Variants in TANC2 observed in about 807,000 individuals in gnomAD.
TANC2 encodes tetratricopeptide repeat, ankyrin repeat and coiled-coil containing 2, also known as protein TANC2.
In TANC2, 26 loss-of-function variants were observed where a neutral mutation model predicts 210.5. The observed-to-expected ratio is 0.12, with a 90% CI of 0.09 to 0.17. The LOEUF is 0.17. TANC2 is among the 10% of genes least tolerant of loss of function. The probability of loss-of-function intolerance (pLI) is 1.00; values close to 1 mark genes in which losing one functional copy is unlikely to be tolerated. For missense variants in TANC2, 2,129 were observed against 2,608.9 expected (o/e 0.82, Z 4.01); for synonymous variants, 931 against 967.1 (o/e 0.96, Z 0.69).
chr17:63,232,311 C>G (rs905462178), intron 7 of TANC2, among the ~76,000 whole-genome samples: 4 of 152,178 alleles, frequency 2.6e-5, no homozygotes, highest in Non-Finnish European at 4.4e-5. Flanking sequence ...AGAGGTGTTG[C>G]AATCATTTGA....
chr17:63,257,351 A>G (rs1321634099), intron 8 of TANC2, among the ~76,000 whole-genome samples: 2 of 151,888 alleles, frequency 1.3e-5, no homozygotes, highest in African/African-American at 2.4e-5. Context: ...CTTGCATATA[A>G]CATCTGGTTT....
chr17:62,986,903 T>C (rs2032595288), intron 1 of TANC2, among the ~76,000 whole-genome samples: 1 of 152,080 alleles, frequency 6.6e-6, no homozygotes, highest in Admixed American at 6.5e-5. Flanking sequence ...CCTGGGATCA[T>C]GTCTACCAGG....
intron 15 of TANC2, among the ~76,000 whole-genome samples, chr17:63,383,260 C>T (rs940782987): frequency 6.6e-6 from 1 of 152,112 alleles, no homozygotes; most frequent in Non-Finnish European, 1.5e-5. Context: ...TGTTGTACAG[C>T]TCTGTCGATT....
At chr17:63,295,326 TTCTC>T (rs1598795846) in intron 9 of TANC2, among the ~76,000 whole-genome samples, 1 of 152,256 alleles carries the variant, frequency 6.6e-6, no homozygotes, top group East Asian at 1.9e-4. Context: ...TGTCAAAGCT[TTCTC>T]AGTAGAATAA....
chr17:63,351,510 T>C, intron 13 of TANC2, 94 bp downstream of exon 13: 1 of 1,013,954 alleles, frequency 9.9e-7, no homozygotes, highest in Non-Finnish European at 1.4e-6. Flanking sequence ...AAACTTCTAC[T>C]ATGTCCTAGA....
intron 7 of TANC2, among the ~76,000 whole-genome samples, chr17:63,232,385 G>A (rs1210908420): frequency 6.6e-6 from 1 of 152,186 alleles, no homozygotes; most frequent in Non-Finnish European, 1.5e-5. Flanking sequence ...TCTCATCTTC[G>A]TGAGTTCGTC....
chr17:63,409,517 A>G (rs2048622864), intron 21 of TANC2, among the ~76,000 whole-genome samples: 4 of 152,230 alleles, frequency 2.6e-5, no homozygotes, highest in Admixed American at 2.6e-4. Context: ...ACAAGTAAAA[A>G]TGGTATATGC....
At chr17:63,068,095 A>G (rs2036266876) in intron 2 of TANC2, among the ~76,000 whole-genome samples, 1 of 152,170 alleles carries the variant, frequency 6.6e-6, no homozygotes, top group Admixed American at 6.5e-5. Context: ...CCTAGAGGGG[A>G]ACAACAATTT....
chr17:62,966,884 TCCA>T lies in TANC2; in HGVS notation c.-24+136_-24+138del, dbSNP rs2031372322. The T allele has an allele frequency of 2.6e-5, 4 of 152,074 alleles. No homozygotes were observed. The highest frequency in any genetic ancestry group is 5.9e-5 in the Non-Finnish European group (4 of 68,070). The allele number at this position is 152,074 out of a possible 1,614,324, so 9.4% of individuals were successfully genotyped here. Reference sequence around the variant, plus strand: ...AAATGGGCAGCGAAGTGCCTCGGTGTCCAAGGCGTGGGGAAGGCTGGCTCCGAA... The same window carrying T: ...AAATGGGCAGCGAAGTGCCTCGGTGTAGGCGTGGGGAAGGCTGGCTCCGAA... On this transcript the variant is annotated intron_variant, in intron 1 of 27. Coordinates refer to ENST00000689528, the Ensembl canonical transcript of TANC2. This position sits in a 1 kb window ranked among gnomAD's most constrained non-coding sequence, Gnocchi z 5.1.
At chr17:63,098,995 C>T (rs1177453538) in intron 3 of TANC2, among the ~76,000 whole-genome samples, 180 bp from the exon 4 acceptor site, 1 of 152,120 alleles carries the variant, frequency 6.6e-6, no homozygotes, top group African/African-American at 2.4e-5. Context: ...TCTTCAGTTT[C>T]GTAGTGCTAG....
chr17:63,337,533 T>A (rs1040374842), intron 11 of TANC2, among the ~76,000 whole-genome samples: 4 of 152,014 alleles, frequency 2.6e-5, no homozygotes, highest in Non-Finnish European at 2.9e-5. Flanking sequence ...TTCTTTTTCT[T>A]TATAGTGCTA....
chr17:63,053,976 T>C (rs1406259897), intron 2 of TANC2, among the ~76,000 whole-genome samples: 3 of 152,234 alleles, frequency 2.0e-5, no homozygotes, highest in Non-Finnish European at 4.4e-5. Context: ...TTGGTCTCTC[T>C]GCTTTGTCTA....
At chr17:62,981,256 A>G (rs2032284358) in intron 1 of TANC2, among the ~76,000 whole-genome samples, 1 of 152,168 alleles carries the variant, frequency 6.6e-6, no homozygotes, top group African/African-American at 2.4e-5. Flanking sequence ...TCATTAAGAA[A>G]ATAGAAATAA....
chr17:63,340,341 A>T lies in TANC2; in HGVS notation c.1807+9A>T, dbSNP rs771685753. The T allele has an allele frequency of 1.3e-5, 21 of 1,608,486 alleles. No individual in the cohort carries two copies. The South Asian group carries it at 1.8e-4, about 14-fold the overall frequency. On this transcript the variant is annotated intron_variant, in intron 12 of 27. Transcript: ENST00000689528. ...AGAAAATCTCCATAAAGGTACAGAT[A>T]AGGCCCAAAGGAGGGGAAAGATGGA...
At chr17:63,363,211 A>AT (rs1427755995) in intron 14 of TANC2, among the ~76,000 whole-genome samples, 2 of 151,906 alleles carry the variant, frequency 1.3e-5, no homozygotes, top group Non-Finnish European at 2.9e-5. Context: ...ATATTATTAG[A>AT]TTTTTTCCTA....
intron 7 of TANC2, among the ~76,000 whole-genome samples, chr17:63,215,738 A>G (rs1040322017): frequency 1.6e-4 from 24 of 151,338 alleles, no homozygotes; most frequent in African/African-American, 4.4e-4. Flanking sequence ...GTTTTGTTTT[A>G]TTTTTATTTT....
intron 5 of TANC2, among the ~76,000 whole-genome samples, chr17:63,156,114 A>G (rs147472348): frequency 2.0e-4 from 30 of 152,326 alleles, no homozygotes; most frequent in Middle Eastern, 3.4e-3. Context: ...GTGCTTGTAC[A>G]TAAAATCTTC....
chr17:63,001,530 C>CTTTTTTTT (rs534398376), intron 1 of TANC2, among the ~76,000 whole-genome samples: 1 of 140,138 alleles, frequency 7.1e-6, no homozygotes, highest in Non-Finnish European at 1.5e-5. Context: ...CTTTTCTTTT[C>CTTTTTTTT]TTTTTTTTTT....
intron 11 of TANC2, among the ~76,000 whole-genome samples, chr17:63,328,917 G>A (rs1291646773): frequency 6.6e-6 from 1 of 151,962 alleles, no homozygotes; most frequent in Non-Finnish European, 1.5e-5. Context: ...ATTATGATTA[G>A]TCAATCAAAC....
Sources: allele counts gnomAD v4.1 joint callset (sites outside exome capture counted in the v4.1 genomes callset), GRCh38; gene constraint gnomAD v4.1.1; non-coding constraint Gnocchi (gnomAD v3.1); transcripts MANE v1.5; gene names NCBI Gene and HGNC (gene_info 2026-07-23, HGNC 2026-07-21).